Variants in FAM135B observed in about 807,000 individuals in gnomAD.
The protein encoded by FAM135B is family with sequence similarity 135 member B.
A neutral mutation model predicts 127.7 loss-of-function variants in FAM135B; 43 were observed. The observed-to-expected ratio is 0.34, with a 90% confidence interval of 0.26 to 0.43. FAM135B has a LOEUF of 0.43. Among genes scored for constraint, FAM135B ranks in the 20% least tolerant of loss-of-function variants. The pLI, the probability that FAM135B is intolerant of heterozygous loss-of-function variation, is 1.00. For missense variants in FAM135B, 1,558 were observed against 1,725.6 expected (o/e 0.90, Z 1.72); for synonymous variants, 670 against 665.1 (o/e 1.01, Z -0.11).
intron 2 of FAM135B, among the ~76,000 whole-genome samples, chr8:138,346,452 TG>T (rs1297300784): frequency 3.3e-5 from 5 of 152,132 alleles, no homozygotes; most frequent in Admixed American, 3.3e-4. Flanking sequence ...GTAAAGAAAA[TG>T]TGTTACATAT....
intron 1 of FAM135B, chr8:138,441,025 C>T (rs1456387429): frequency 6.6e-6 from 1 of 152,230 alleles, no homozygotes; most frequent in East Asian, 1.9e-4. Context: ...AAGACCCCCA[C>T]ACATGTGAGT....
At chr8:138,454,828 C>T (rs985771408) in intron 1 of FAM135B, among the ~76,000 whole-genome samples, 1 of 152,248 alleles carries the variant, frequency 6.6e-6, no homozygotes, top group Non-Finnish European at 1.5e-5. Flanking sequence ...GTCTCATGCA[C>T]AGCCTATGTT....
At chr8:138,172,972 C>T (rs1820593916) in intron 11 of FAM135B, among the ~76,000 whole-genome samples, 3 of 152,186 alleles carry the variant, frequency 2.0e-5, no homozygotes, top group African/African-American at 7.2e-5. Flanking sequence ...GCCTTGCACA[C>T]CTGTGTCTGA....
chr8:138,309,858 C>CTT (rs145453026), intron 3 of FAM135B, among the ~76,000 whole-genome samples: 13 of 86,754 alleles, frequency 1.5e-4, no homozygotes, highest in African/African-American at 5.8e-4. Context: ...AGTCTTTCTA[C>CTT]TTTTTTTTTT....
intron 1 of FAM135B, among the ~76,000 whole-genome samples, chr8:138,395,083 A>G (rs557361322): frequency 2.0e-5 from 3 of 152,320 alleles, no homozygotes; most frequent in Non-Finnish European, 2.9e-5. Context: ...GTCATTGCCA[A>G]TGCAGTGAGT....
chr8:138,450,845 T>C (rs1439500545), intron 1 of FAM135B: 1 of 152,222 alleles, frequency 6.6e-6, no homozygotes, highest in African/African-American at 2.4e-5. Context: ...CAGACATTTA[T>C]TGAGTGCTGT....
At chr8:138,488,963 C>T (rs1233518610) in intron 1 of FAM135B, among the ~76,000 whole-genome samples, 2 of 152,172 alleles carry the variant, frequency 1.3e-5, no homozygotes, top group Non-Finnish European at 2.9e-5. Context: ...TCACGCCCGG[C>T]GTTTGTTTGA....
intron 9 of FAM135B, among the ~76,000 whole-genome samples, chr8:138,181,871 A>G (rs1815073585): frequency 6.6e-6 from 1 of 151,966 alleles, no homozygotes; most frequent in Non-Finnish European, 1.5e-5. Context: ...ACCTCCACCC[A>G]CATGTTGCTG....
intron 8 of FAM135B, among the ~76,000 whole-genome samples, chr8:138,196,813 C>A (rs567061826): frequency 3.9e-5 from 6 of 152,284 alleles, no homozygotes; most frequent in African/African-American, 1.4e-4. Context: ...ACACAAAGGA[C>A]CCTGCCCCAA....
intron 1 of FAM135B, chr8:138,439,496 A>C (rs953376426): frequency 2.0e-5 from 3 of 152,196 alleles, no homozygotes; most frequent in African/African-American, 7.2e-5. Flanking sequence ...CCGACCTCAT[A>C]ACATCAGAGG....
chr8:138,422,038 A>G (rs4909789), intron 1 of FAM135B, among the ~76,000 whole-genome samples: 58,244 of 152,004 alleles, frequency 0.38, 12,130 homozygotes, highest in Non-Finnish European at 0.47. Context: ...CCTATTCAAT[A>G]AATTGTGCTG....
chr8:138,245,011 C>A (rs764762763), intron 6 of FAM135B, among the ~76,000 whole-genome samples: 1 of 152,120 alleles, frequency 6.6e-6, no homozygotes, highest in Non-Finnish European at 1.5e-5. Flanking sequence ...CAGGTATTTC[C>A]CACAAACTTA....
chr8:138,138,921 T>G lies in FAM135B; in HGVS notation c.3901+65A>C, dbSNP rs1252957825. ...GAATCAATGTAGCATTATATCTCAT[T>G]TGTGTCTCAGGAGTTGAATCCCAAG... On this transcript the variant is annotated intron_variant, in intron 18 of 19. Coordinates refer to ENST00000395297, the MANE Select transcript of FAM135B (RefSeq NM_015912.4). The G allele has an allele frequency of 3.0e-6, 3 of 996,326 alleles. No individual in the cohort carries two copies. The East Asian group carries it at 7.2e-5, about 24-fold the overall frequency. The allele number at this position is 996,326 out of a possible 1,614,324, so 61.7% of individuals were successfully genotyped here.
chr8:138,453,856 C>A (rs79714554), intron 1 of FAM135B, among the ~76,000 whole-genome samples: 2,587 of 152,272 alleles, frequency 0.017, 57 homozygotes, highest in East Asian at 0.078. Context: ...ATAGTACTGA[C>A]TCCATCAGGT....
intron 1 of FAM135B, 42 bp from the exon 2 acceptor site, chr8:138,368,044 G>T: frequency 7.0e-7 from 1 of 1,428,280 alleles, no homozygotes; most frequent in Non-Finnish European, 9.9e-7. Flanking sequence ...GATCACATCA[G>T]CCACTCAGAA....
chr8:138,433,029 G>C (rs1835280032), intron 1 of FAM135B, among the ~76,000 whole-genome samples: 1 of 152,128 alleles, frequency 6.6e-6, no homozygotes, highest in South Asian at 2.1e-4. Flanking sequence ...TGAGGCAAGA[G>C]GCAGGAGAGC....
intron 2 of FAM135B, among the ~76,000 whole-genome samples, chr8:138,315,118 G>GTAA (rs149060946): frequency 4.2e-4 from 63 of 151,634 alleles, no homozygotes; most frequent in Admixed American, 3.9e-4. Flanking sequence ...CTCAATAGCA[G>GTAA]TAATAATAAT....
intron 1 of FAM135B, among the ~76,000 whole-genome samples, chr8:138,481,260 T>G (rs1814768565): frequency 6.6e-6 from 1 of 152,212 alleles, no homozygotes; most frequent in African/African-American, 2.4e-5. Flanking sequence ...TATGCAGTGG[T>G]TACATCAGTC....
At chr8:138,249,263 T>C (rs1821528509) in intron 6 of FAM135B, among the ~76,000 whole-genome samples, 1 of 152,206 alleles carries the variant, frequency 6.6e-6, no homozygotes, top group African/African-American at 2.4e-5. Context: ...GTACTCTCTG[T>C]TGCTTTCTGG....
Sources: gnomAD v4.1 joint callset for allele counts (sites outside exome capture counted in the v4.1 genomes callset) on GRCh38, gnomAD v4.1.1 for gene constraint, MANE v1.5 for transcripts, NCBI Gene and HGNC (gene_info 2026-07-23, HGNC 2026-07-21) for gene names.